INPP4A: variants seen among roughly 807,000 people sequenced by gnomAD.
The protein encoded by INPP4A is inositol polyphosphate-4-phosphatase, type I, 107kD.
A neutral mutation model predicts 119.8 loss-of-function variants in INPP4A; 33 were observed. The ratio of observed to expected loss-of-function variants is 0.28; its 90% CI spans 0.21 to 0.37. The LOEUF is 0.37. INPP4A is among the 10% of genes least tolerant of loss of function. INPP4A has a pLI of 1.00. For missense variants in INPP4A, 956 were observed against 1,289.9 expected (o/e 0.74, Z 3.97); for synonymous variants, 496 against 500.7 (o/e 0.99, Z 0.12).
At chr2:98,455,351 A>G in intron 1 of INPP4A, among the ~76,000 whole-genome samples, 1 of 152,106 alleles carries the variant, frequency 6.6e-6, no homozygotes. Context: ...AAAAAAAGAA[A>G]AAAAAAAGAT....
intron 7 of INPP4A, among the ~76,000 whole-genome samples, chr2:98,536,860 G>A (rs898765506): frequency 6.6e-6 from 1 of 152,228 alleles, no homozygotes; most frequent in African/African-American, 2.4e-5. Flanking sequence ...AGTAAAGACA[G>A]TATTGCAGGC....
At chr2:98,575,445 A>G (rs1277734982) in intron 23 of INPP4A, among the ~76,000 whole-genome samples, 1 of 151,960 alleles carries the variant, frequency 6.6e-6, no homozygotes, top group Non-Finnish European at 1.5e-5. Context: ...TACCAAGTTC[A>G]CTCTTGCTTT....
In INPP4A at chr2:98,587,658, C is replaced by T. The variant is rs773814420; in HGVS notation, c.*50C>T. On this transcript the variant is annotated 3_prime_UTR_variant, in exon 25 of 25. Coordinates refer to ENST00000409851, the MANE Select transcript of INPP4A (RefSeq NM_001134225.2). Reference sequence around the variant, plus strand: ...GTTACATAATAAATGTGGGTACCCTCTAGTGTCATATATGAATTCTTCAAG... The same window carrying T: ...GTTACATAATAAATGTGGGTACCCTTTAGTGTCATATATGAATTCTTCAAG... The T allele has an allele frequency of 1.4e-6, 2 of 1,430,708 alleles. No homozygotes were observed. Among genetic ancestry groups the T allele is most frequent in the Non-Finnish European group, 1.9e-6 (2 of 1,057,376 alleles). The allele number at this position is 1,430,708 out of a possible 1,614,324, so 88.6% of individuals were successfully genotyped here.
At chr2:98,500,723 C>G (rs1183507184) in intron 1 of INPP4A, among the ~76,000 whole-genome samples, 1 of 152,206 alleles carries the variant, frequency 6.6e-6, no homozygotes, top group East Asian at 1.9e-4. Context: ...CCAGGACAAT[C>G]AGACATCACC....
chr2:98,576,855 C>T (rs962870189), intron 23 of INPP4A, 134 bp from the exon 24 acceptor site: 10 of 1,047,990 alleles, frequency 9.5e-6, no homozygotes, highest in Admixed American at 5.3e-5. Flanking sequence ...AAAATTGGAG[C>T]GTCTGGCCAG....
chr2:98,449,503 C>T (rs1694861806), intron 1 of INPP4A, among the ~76,000 whole-genome samples: 1 of 152,124 alleles, frequency 6.6e-6, no homozygotes, highest in African/African-American at 2.4e-5. Flanking sequence ...GACAAGTGCT[C>T]ATCATTCTTT....
intron 1 of INPP4A, among the ~76,000 whole-genome samples, chr2:98,479,934 C>T (rs1328314870): frequency 6.6e-6 from 1 of 152,230 alleles, no homozygotes; most frequent in Non-Finnish European, 1.5e-5. Flanking sequence ...TCCTAGAAAG[C>T]CTGAGACAGG....
At chr2:98,479,308 A>G (rs990692176) in intron 1 of INPP4A, among the ~76,000 whole-genome samples, 5 of 152,082 alleles carry the variant, frequency 3.3e-5, no homozygotes, top group African/African-American at 1.2e-4. Flanking sequence ...CTTGGGTGGG[A>G]ACTTCTCCTG....
rs1008036411 is a variant in INPP4A at position 98,570,776 on chromosome 2, T to C, written c.2519-2039T>C. Among the ~76,000 whole-genome samples the C allele has an allele frequency of 1.3e-5, 2 of 152,074 alleles. No homozygotes were observed. Among genetic ancestry groups the C allele is most frequent in the Admixed American group, 6.5e-5 (1 of 15,274 alleles). ...GGTAGGGACATGAATGGAGGAAATATGCTCAGGTTGGGCAGCCTCAGTCTC... is the reference window on the plus strand; with the variant it reads ...GGTAGGGACATGAATGGAGGAAATACGCTCAGGTTGGGCAGCCTCAGTCTC... On this transcript the variant is annotated intron_variant, in intron 22 of 24. Coordinates refer to ENST00000409851, the MANE Select transcript of INPP4A (RefSeq NM_001134225.2). This position sits in a 1 kb window ranked among gnomAD's most constrained non-coding sequence, Gnocchi z 4.3.
rs1462690455 is a variant in INPP4A, at chr2:98,569,350, CAG to C, written c.2518+685_2518+686del. On this transcript the variant is annotated intron_variant, in intron 22 of 24. Coordinates refer to ENST00000409851, the MANE Select transcript of INPP4A (RefSeq NM_001134225.2). This position sits in a 1 kb window ranked among gnomAD's most constrained non-coding sequence, Gnocchi z 5.1. ...CCTACCTTGGAGGGAAAGCTGGTCCCAGAGTGCCGGCCTCTCTGTGCAGGCGC... is the reference window on the plus strand; with the variant it reads ...CCTACCTTGGAGGGAAAGCTGGTCCCAGTGCCGGCCTCTCTGTGCAGGCGC... 6.6e-6 allele frequency: 1 copy of C among 152,436 alleles called. No individual in the cohort carries two copies. Among genetic ancestry groups the C allele is most frequent in the Non-Finnish European group, 1.5e-5 (1 of 68,262 alleles). 9.4% of individuals were successfully genotyped at this position (152,436 alleles called of 1,614,324 possible).
intron 1 of INPP4A, among the ~76,000 whole-genome samples, chr2:98,468,784 G>A (rs1035334055): frequency 6.6e-6 from 1 of 152,106 alleles, no homozygotes; most frequent in African/African-American, 2.4e-5. Flanking sequence ...GAGTTTAGCT[G>A]TAACTAGATG....
At chr2:98,550,503 C>T (rs1253499888) in intron 13 of INPP4A, among the ~76,000 whole-genome samples, 1 of 152,180 alleles carries the variant, frequency 6.6e-6, no homozygotes, top group Non-Finnish European at 1.5e-5. Flanking sequence ...CAGTTTAGCC[C>T]ATGACCCCAG....
chr2:98,521,201 C>G (rs1441141151), intron 4 of INPP4A: 1 of 155,770 alleles, frequency 6.4e-6, no homozygotes, highest in Non-Finnish European at 1.4e-5. Context: ...CCTGCATGCT[C>G]TCTTTCTCAG....
At chr2:98,581,577 A>G (rs1470859984) in intron 24 of INPP4A, 2 of 1,523,046 alleles carry the variant, frequency 1.3e-6, no homozygotes, top group Non-Finnish European at 1.8e-6. Context: ...TTTTCACAGC[A>G]TTGGAACACG....
intron 1 of INPP4A, among the ~76,000 whole-genome samples, chr2:98,478,747 G>T (rs1574631025): frequency 6.6e-6 from 1 of 152,286 alleles, no homozygotes; most frequent in Non-Finnish European, 1.5e-5. Flanking sequence ...AAGGTTGCAG[G>T]TATGTGTCTG....
Position 98,566,690 on chromosome 2 carries a change from C to T in INPP4A, c.2420+521C>T, listed in dbSNP as rs1162184344. 1.3e-5 allele frequency among the ~76,000 whole-genome samples: 2 copies of T among 152,106 alleles called. No individual in the cohort carries two copies. Among genetic ancestry groups the T allele is most frequent in the African/African-American group, 4.8e-5 (2 of 41,400 alleles). The stretch of plus-strand genomic sequence containing the variant: ...TGCCAGGCTGAGACTCATGCCTGAA[C>T]CTAAAGGCAACTGCCCTCCAGGGTC... On this transcript the variant is annotated intron_variant, in intron 21 of 24. Coordinates refer to ENST00000409851, the MANE Select transcript of INPP4A (RefSeq NM_001134225.2). The surrounding 1 kb of genome is among the most constrained non-coding windows in gnomAD (Gnocchi z 4.2).
rs138112828 is a variant in INPP4A, at chr2:98,591,102, T to C, written c.*3494T>C. ...CTGTGGTAGGAGTTATACAGTATTT[T>C]AAATGGTTTATGTAGTCACATATAC... On this transcript the variant is annotated 3_prime_UTR_variant, in exon 25 of 25. Transcript: ENST00000409851. 3.1e-3 allele frequency: 615 copies of C among 196,858 alleles called. 4 individuals are homozygous for C. Among genetic ancestry groups the C allele is most frequent in the African/African-American group, 0.013 (570 of 43,492 alleles). 12.2% of individuals were successfully genotyped at this position (196,858 alleles called of 1,614,324 possible).
At chr2:98,586,586 C>G (rs1423052058) in intron 24 of INPP4A, among the ~76,000 whole-genome samples, 1 of 152,202 alleles carries the variant, frequency 6.6e-6, no homozygotes, top group African/African-American at 2.4e-5. Flanking sequence ...GAACATTTCC[C>G]AGAGAACTCC....
Position 98,445,025 on chromosome 2 carries a change from C to G in INPP4A, c.-226C>G, listed in dbSNP as rs1248746041. Reference sequence around the variant, plus strand: ...CGGCGGCGCTGCTGCTGCTGCGGGGCTCTGGCGCGCAGCCCGGCGGGACAG... The same window carrying G: ...CGGCGGCGCTGCTGCTGCTGCGGGGGTCTGGCGCGCAGCCCGGCGGGACAG... On this transcript the variant is annotated 5_prime_UTR_variant, in exon 1 of 25. Transcript: ENST00000409851. The G allele has an allele frequency of 6.7e-6, 1 of 149,350 alleles. No homozygotes were observed. The highest frequency in any genetic ancestry group is 1.5e-5 in the Non-Finnish European group (1 of 66,820). 9.3% of individuals were successfully genotyped at this position (149,350 alleles called of 1,614,324 possible).
Sources: allele counts gnomAD v4.1 joint callset (sites outside exome capture counted in the v4.1 genomes callset), GRCh38; gene constraint gnomAD v4.1.1; non-coding constraint Gnocchi (gnomAD v3.1); transcripts MANE v1.5; gene names NCBI Gene and HGNC (gene_info 2026-07-23, HGNC 2026-07-21).